COL9A3: variants seen among roughly 807,000 people sequenced by gnomAD.
COL9A3 encodes collagen alpha-3(IX) chain.
COL9A3 carries 82 observed loss-of-function variants against 110.2 expected under a neutral mutation model. The ratio of observed to expected loss-of-function variants is 0.74; its 90% confidence interval spans 0.62 to 0.89. The LOEUF is 0.89. Ranked by LOEUF, COL9A3 falls within the 40% of genes least tolerant of loss-of-function variation. The pLI is 0.00. For missense variants in COL9A3, 1,066 were observed against 981.3 expected, an observed-to-expected ratio of 1.09 and a Z score of -1.15; for synonymous variants, 494 against 403.8, an observed-to-expected ratio of 1.22 and a Z score of -2.68.
chr20:62,837,872 G>A (rs770154989), intron 30 of COL9A3, among the ~76,000 whole-genome samples: 10 of 152,112 alleles, frequency 6.6e-5, no homozygotes, highest in South Asian at 2.1e-4. Context: ...ATCCCAGCAC[G>A]TTGGGAGGAC....
chr20:62,837,636 G>A (rs540264092), intron 30 of COL9A3, among the ~76,000 whole-genome samples: 34 of 151,918 alleles, frequency 2.2e-4, no homozygotes, highest in Non-Finnish European at 2.8e-4. Flanking sequence ...GTGAAACCCT[G>A]TCTCTACTAA....
chr20:62,836,587 C>G (rs756532146), intron 29 of COL9A3, 55 bp downstream of exon 29: 1 of 1,536,352 alleles, frequency 6.5e-7, no homozygotes, highest in Non-Finnish European at 8.8e-7. Context: ...CTGGGGGTCC[C>G]GTGCCTGGGG....
chr20:62,839,351 C>A (rs1420672596), intron 31 of COL9A3, among the ~76,000 whole-genome samples: 1 of 152,166 alleles, frequency 6.6e-6, no homozygotes, highest in African/African-American at 2.4e-5. Flanking sequence ...ACAGAATTTT[C>A]TCTTAATTGA....
rs754392474 is a variant in COL9A3, at chr20:62,826,744, C to A, written c.739-23C>A. 1.9e-6 allele frequency: 3 copies of A among 1,611,922 alleles called. No individual in the cohort carries two copies. The South Asian group carries it at 3.3e-5, about 18-fold the overall frequency. On this transcript the variant is annotated intron_variant, in intron 14 of 31. Transcript: ENST00000649368. ...AGCCAGGCCTCAGACAAGAGGACCC[C>A]GGATCCCCTCTCTCCTCTGCAGGGT...
At position 62,832,401 on chromosome 20, in the gene COL9A3, G is replaced by A. The variant is rs559603362; in HGVS notation, c.1323+212G>A. 3.6e-4 allele frequency among the ~76,000 whole-genome samples: 55 copies of A among 152,356 alleles called. 2 individuals carry two copies. In the South Asian group the frequency reaches 0.011, roughly 30 times the overall value. On this transcript the variant is annotated intron_variant, in intron 25 of 31. Coordinates refer to ENST00000649368, the MANE Select transcript of COL9A3 (RefSeq NM_001853.4). The stretch of plus-strand genomic sequence containing the variant: ...CTCTGGGCACCCAGCCCCCAGGCAC[G>A]CCCCGGCATCCGCCGCTGCCTTCCT...
At chr20:62,832,082 C>T in intron 24 of COL9A3, 72 bp from the exon 25 acceptor site, 2 of 1,468,164 alleles carry the variant, frequency 1.4e-6, no homozygotes, top group Non-Finnish European at 1.9e-6. Context: ...TTTACCATTC[C>T]TGGGCCCAGG....
At chr20:62,830,146 G>T (rs1268887265) in intron 22 of COL9A3, among the ~76,000 whole-genome samples, 3 of 152,122 alleles carry the variant, frequency 2.0e-5, no homozygotes, top group African/African-American at 2.4e-5. Flanking sequence ...AGTCTGGCCT[G>T]ACAAATTGGG....
chr20:62,837,277 A>G lies in COL9A3; in HGVS notation c.1786+12A>G, dbSNP rs886056913. On this transcript the variant is annotated intron_variant, in intron 30 of 31. Transcript: ENST00000649368. ...CCCCGGGCCCAGAGGTGAGTGTTTG[A>G]CCCCATGACACGGTCACCCTGCTGT... is the stretch of plus-strand genomic sequence containing the variant. 3 of 1,606,550 alleles carry G rather than the reference A, an allele frequency of 1.9e-6. No individual in the cohort carries two copies. In the East Asian group the frequency reaches 6.7e-5, roughly 36 times the overall value.
intron 12 of COL9A3, chr20:62,825,530 G>A (rs1412105984): frequency 3.6e-6 from 2 of 552,190 alleles, no homozygotes; most frequent in Non-Finnish European, 6.5e-6. Context: ...GACCCCAGGT[G>A]CACATCAGAG....
rs2063607438 is a variant in COL9A3, at chr20:62,832,887, G to T, written c.1324-133G>T. On this transcript the variant is annotated intron_variant, in intron 25 of 31. Coordinates refer to ENST00000649368, the MANE Select transcript of COL9A3 (RefSeq NM_001853.4). ...TTGGAGCGGGTTAAAAGGCAGCCCT[G>T]GGGCCTGGGCTTTTGGCCTCGACCT... The T allele has an allele frequency of 2.5e-5, 20 of 810,878 alleles. No individual in the cohort carries two copies. In the South Asian group the frequency reaches 2.9e-4, roughly 12 times the overall value. 50.2% of individuals were successfully genotyped at this position (810,878 alleles called of 1,614,324 possible).
At chr20:62,840,433 A>C in intron 31 of COL9A3, 109 bp from the exon 32 acceptor site, 2 of 1,057,522 alleles carry the variant, frequency 1.9e-6, no homozygotes, top group Non-Finnish European at 2.9e-6. Context: ...CCTCTCCCCA[A>C]GTGAAGAGTG....
chr20:62,833,301 C>T (rs185052245), intron 26 of COL9A3, among the ~76,000 whole-genome samples: 2 of 152,326 alleles, frequency 1.3e-5, no homozygotes, highest in East Asian at 3.9e-4. Context: ...CTGACCTGAC[C>T]CGGTGCTCAG....
In COL9A3 at chr20:62,825,619, C is replaced by T. The variant is rs1213326865; in HGVS notation, c.631-198C>T. ...GGAACAGTGACCACGGACCCCGGCC[C>T]GGCAGGGCGAGGCCACCGAGACTCG... is the stretch of plus-strand genomic sequence containing the variant. On this transcript the variant is annotated intron_variant, in intron 12 of 31. Coordinates refer to ENST00000649368, the MANE Select transcript of COL9A3 (RefSeq NM_001853.4). The T allele has an allele frequency of 6.4e-5, 41 of 637,150 alleles. 2 individuals are homozygous for T. The highest frequency in any genetic ancestry group is 2.3e-4 in the South Asian group (13 of 55,386). 39.5% of individuals were successfully genotyped at this position (637,150 alleles called of 1,614,324 possible). A position where few individuals can be genotyped will look rare whatever the true frequency, so the allele number is the denominator to read the frequency against.
chr20:62,832,147 C>A lies in COL9A3; in HGVS notation c.1288-7C>A. ...CCTCTAATCCAGAGCCTTCTCTCCA[C>A]ATCCAGGGTCCGGGAGGTGCCGCAG... On this transcript the variant is annotated splice_polypyrimidine_tract_variant and splice_region_variant and intron_variant, in intron 24 of 31. Coordinates refer to ENST00000649368, the MANE Select transcript of COL9A3 (RefSeq NM_001853.4). 6.2e-7 allele frequency: 1 copy of A among 1,612,758 alleles called. No individual in the cohort carries two copies.
rs191992009 is a variant in COL9A3 at position 62,821,483 on chromosome 20, C to T, written c.346-24C>T. 1.8e-5 allele frequency: 29 copies of T among 1,612,952 alleles called. No individual in the cohort carries two copies. The South Asian group carries it at 2.9e-4, about 16-fold the overall frequency. On this transcript the variant is annotated intron_variant, in intron 6 of 31. Coordinates refer to ENST00000649368, the MANE Select transcript of COL9A3 (RefSeq NM_001853.4). Reference sequence around the variant, plus strand: ...CAGCCCTTCTTGTGCCTGGCAGGCTCTGACCCCATGTTTGGCTTTGCAGGG... The same window carrying T: ...CAGCCCTTCTTGTGCCTGGCAGGCTTTGACCCCATGTTTGGCTTTGCAGGG...
chr20:62,834,455 A>G (rs965418494), intron 26 of COL9A3, among the ~76,000 whole-genome samples: 1 of 148,184 alleles, frequency 6.7e-6, no homozygotes, highest in Non-Finnish European at 1.5e-5. Context: ...AGTCCGAGGG[A>G]AGGACGGCCT....
intron 9 of COL9A3, 62 bp downstream of exon 9, chr20:62,822,226 C>T: frequency 1.1e-6 from 1 of 908,684 alleles, no homozygotes; most frequent in Non-Finnish European, 1.9e-6. Flanking sequence ...GGGTTGGACC[C>T]TCCCCATTCC....
rs2147208772 is a variant in COL9A3, at chr20:62,825,855, C to T, written c.669C>T (p.Gly223=). 6.4e-7 allele frequency: 1 copy of T among 1,559,406 alleles called. No individual in the cohort carries two copies. Among genetic ancestry groups the T allele is most frequent in the Non-Finnish European group, 8.7e-7 (1 of 1,151,476 alleles). ...CCCCTGGGCCCGCCGGCCTCCCGGG[C>T]AGCGTGGGGCTGCAGGTGAGGCTAG... is the stretch of plus-strand genomic sequence containing the variant. ...PGPPGPAGLP[G]SVGLQGPRGL... is the part of the protein sequence containing the mutation. The change falls in exon 13 of 32, where the codon GGC becomes GGT. Residue 223 remains glycine (G), a synonymous_variant. Transcript: ENST00000649368.
At chr20:62,816,885 C>G (rs903386638), upstream of COL9A3, among the ~76,000 whole-genome samples, 1 of 151,888 alleles carries the variant, frequency 6.6e-6, no homozygotes, top group Non-Finnish European at 1.5e-5. Flanking sequence ...TTGTTTTCGC[C>G]CAGGCGGGCT....
Sources: gnomAD v4.1 joint callset for allele counts (sites outside exome capture counted in the v4.1 genomes callset) on GRCh38, gnomAD v4.1.1 for gene constraint, MANE v1.5 for transcripts, NCBI Gene and HGNC (gene_info 2026-07-23, HGNC 2026-07-21) for gene names.